The following SLCO3A1 variants were observed in gnomAD, a reference collection of about 807,000 sequenced individuals.
SLCO3A1 encodes the protein PGE1 transporter.
SLCO3A1 carries 27 observed loss-of-function variants against 63.1 expected under a neutral mutation model. The ratio of observed to expected loss-of-function variants is 0.43; its 90% CI spans 0.32 to 0.59. The LOEUF is 0.59. Among genes scored for constraint, SLCO3A1 ranks in the 20% least tolerant of loss-of-function variants. The pLI is 0.09. For missense variants in SLCO3A1, 773 were observed against 945.8 expected, an observed-to-expected ratio of 0.82 and a Z score of 2.40; for synonymous variants, 473 against 409.9, an observed-to-expected ratio of 1.15 and a Z score of -1.86.
chr15:91,920,684 C>T (rs567223793), intron 2 of SLCO3A1, among the ~76,000 whole-genome samples: 2 of 152,158 alleles, frequency 1.3e-5, no homozygotes, highest in African/African-American at 4.8e-5. Flanking sequence ...GTTTTTTGAA[C>T]CGCAGTAACC....
intron 2 of SLCO3A1, among the ~76,000 whole-genome samples, chr15:91,937,149 C>T (rs72751985): frequency 0.014 from 2,191 of 152,202 alleles, 25 homozygotes; most frequent in Non-Finnish European, 0.021. Context: ...TCCCAGCTGA[C>T]GATGTAAAAG....
intron 7 of SLCO3A1, among the ~76,000 whole-genome samples, chr15:92,144,024 C>G (rs563930849): frequency 6.6e-6 from 1 of 152,338 alleles, no homozygotes; most frequent in East Asian, 1.9e-4. Context: ...AAGAAGGCGG[C>G]GCCAAGTCGG....
chr15:91,987,705 C>G (rs1292794732), intron 2 of SLCO3A1, among the ~76,000 whole-genome samples: 1 of 149,224 alleles, frequency 6.7e-6, no homozygotes, highest in East Asian at 2.0e-4. Context: ...GATGGCGCCA[C>G]TGCACTCCAG....
intron 1 of SLCO3A1, among the ~76,000 whole-genome samples, chr15:91,903,939 AG>A (rs1229829382): frequency 6.6e-6 from 1 of 151,994 alleles, no homozygotes; most frequent in African/African-American, 2.4e-5. Context: ...TGGAGAGGGC[AG>A]GGGTGGAGCC....
At chr15:92,149,668 TTTCTTCATGACTCAAGCCAAGAAGGA>T (rs1203117908) in intron 8 of SLCO3A1, 1 of 152,236 alleles carries the variant, frequency 6.6e-6, no homozygotes, top group Non-Finnish European at 1.5e-5. Context: ...GCCCTCCCCG[TTTCTTCATGACTCAAGCCAAGAAGGA>T]TTCTTCTTCT....
intron 2 of SLCO3A1, among the ~76,000 whole-genome samples, chr15:91,939,234 AGAATTGGGAG>A (rs1377574533): frequency 6.6e-6 from 1 of 152,008 alleles, no homozygotes; most frequent in Non-Finnish European, 1.5e-5. Flanking sequence ...AACGAGAGAG[AGAATTGGGAG>A]GTGCCACACA....
rs1897621728 is a variant in SLCO3A1 at position 91,882,714 on chromosome 15, G to T, written c.180+28626G>T. ...TTTTTGTATTTTTAGTAGAGACAGG[G>T]TTTCACCATGTTGGCCAGGCTGGTC... On this transcript the variant is annotated intron_variant, in intron 1 of 9. Coordinates refer to ENST00000318445, the MANE Select transcript of SLCO3A1 (RefSeq NM_013272.4). This position sits in a 1 kb window ranked among gnomAD's most constrained non-coding sequence, Gnocchi z 4.4. 6.6e-6 allele frequency among the ~76,000 whole-genome samples: 1 copy of T among 152,076 alleles called. No individual in the cohort carries two copies. Among genetic ancestry groups the T allele is most frequent in the South Asian group, 2.1e-4 (1 of 4,828 alleles).
chr15:92,108,640 G>C (rs2047693057), intron 4 of SLCO3A1, among the ~76,000 whole-genome samples: 4 of 152,220 alleles, frequency 2.6e-5, no homozygotes, highest in Admixed American at 2.0e-4. Context: ...CTTGCCCTGA[G>C]AGGCCTTGAT....
chr15:92,041,306 C>G (rs149264521), intron 2 of SLCO3A1, among the ~76,000 whole-genome samples: 1 of 152,170 alleles, frequency 6.6e-6, no homozygotes, highest in African/African-American at 2.4e-5. Flanking sequence ...TCTTGCAGAA[C>G]AGGCATTGCA....
chr15:91,931,958 A>G (rs777339064), intron 2 of SLCO3A1, among the ~76,000 whole-genome samples: 4 of 152,232 alleles, frequency 2.6e-5, no homozygotes, highest in Non-Finnish European at 5.9e-5. Context: ...CTTTTAGTGT[A>G]AAATCAAGGT....
intron 2 of SLCO3A1, among the ~76,000 whole-genome samples, chr15:92,065,070 T>TTTTGTTGTTTGTTTG (rs1555429389): frequency 1.3e-5 from 2 of 150,854 alleles, no homozygotes; most frequent in Non-Finnish European, 1.5e-5. Context: ...TACCCACGTT[T>TTTTGTTGTTTGTTTG]TTTGTTTGTT....
intron 1 of SLCO3A1, among the ~76,000 whole-genome samples, chr15:91,911,668 C>T (rs1340033931): frequency 6.6e-6 from 1 of 151,876 alleles, no homozygotes; most frequent in Admixed American, 6.6e-5. Flanking sequence ...GCTTTGTCAC[C>T]AAGGCTGGAG....
At chr15:91,893,669 G>C (rs547950622) in intron 1 of SLCO3A1, among the ~76,000 whole-genome samples, 5 of 152,180 alleles carry the variant, frequency 3.3e-5, no homozygotes, top group Non-Finnish European at 7.3e-5. Context: ...CATTCAGACC[G>C]TACAGTCTTT....
chr15:92,171,984 G>C, exon 11 of SLCO3A1: 2 of 732,270 alleles, frequency 2.7e-6, no homozygotes, highest in Non-Finnish European at 4.7e-6. Context: ...GGATTATCCA[G>C]CCAGTGTGTG....
rs182034804 is a variant in SLCO3A1 at position 92,067,094 on chromosome 15, C to T, written c.647-27787C>T. Among the ~76,000 whole-genome samples, 413 of 152,248 alleles carry T rather than the reference C, an allele frequency of 2.7e-3. 3 individuals are homozygous for T. The highest frequency in any genetic ancestry group is 9.8e-3 in the African/African-American group (406 of 41,538). ...GCTTAAATAGGAGAAATGTTGAGGA[C>T]CAGTCTCACTGATGGCAACCAGGAG... On this transcript the variant is annotated intron_variant, in intron 2 of 9. Coordinates refer to ENST00000318445, the MANE Select transcript of SLCO3A1 (RefSeq NM_013272.4).
intron 9 of SLCO3A1, chr15:92,153,438 C>T (rs958370747): frequency 6.6e-6 from 1 of 152,206 alleles, no homozygotes; most frequent in East Asian, 1.9e-4. Flanking sequence ...CTTCATCTTT[C>T]AGTTGAAAGC....
chr15:92,054,834 CT>C (rs1247220188), intron 2 of SLCO3A1, among the ~76,000 whole-genome samples: 1 of 152,152 alleles, frequency 6.6e-6, no homozygotes, highest in East Asian at 1.9e-4. Context: ...ACCACATTTT[CT>C]TTATCCAGTC....
At chr15:91,972,283 C>T (rs755168670) in intron 2 of SLCO3A1, among the ~76,000 whole-genome samples, 1 of 152,034 alleles carries the variant, frequency 6.6e-6, no homozygotes, top group Non-Finnish European at 1.5e-5. Context: ...TGACATGAAC[C>T]AAGGTGGTAT....
At chr15:91,926,148 G>A (rs1218993050) in intron 2 of SLCO3A1, among the ~76,000 whole-genome samples, 1 of 152,204 alleles carries the variant, frequency 6.6e-6, no homozygotes, top group East Asian at 1.9e-4. Flanking sequence ...TAAAATGAAA[G>A]GGGCTAGCTT....
Sources: allele counts gnomAD v4.1 joint callset (sites outside exome capture counted in the v4.1 genomes callset), GRCh38; gene constraint gnomAD v4.1.1; non-coding constraint Gnocchi (gnomAD v3.1); transcripts MANE v1.5; gene names NCBI Gene and HGNC (gene_info 2026-07-23, HGNC 2026-07-21).